The following PPEF1 variants were observed in gnomAD, a reference collection of about 807,000 sequenced individuals.
PPEF1 encodes protein phosphatase with EF-hand domain 1.
In PPEF1, 12 loss-of-function variants were observed where a neutral mutation model predicts 53.3. That is an observed-to-expected ratio of 0.23 (90% CI 0.14 to 0.36). The LOEUF is 0.36. Ranked by LOEUF, PPEF1 falls within the 10% of genes least tolerant of loss-of-function variation. The probability of loss-of-function intolerance (pLI) is 1.00; values close to 1 mark genes in which losing one functional copy is unlikely to be tolerated. For synonymous variants in PPEF1, 165 were observed against 176.7 expected (o/e 0.93, Z 0.52); for missense variants, 334 against 490.4 (o/e 0.68, Z 3.01).
At chrX:18,778,867 C>T (rs2046024523) in intron 6 of PPEF1, 143 bp from the exon 7 acceptor site, 3 of 596,976 alleles carry the variant, frequency 5.0e-6, no homozygotes, top group Non-Finnish European at 7.6e-6. Context: ...AAAACTGGCT[C>T]AAGCGAGAGA....
At chrX:18,818,251 A>G (rs965391471) in intron 13 of PPEF1, 106 bp downstream of exon 13, 2 of 444,103 alleles carry the variant, frequency 4.5e-6, no homozygotes, top group Admixed American at 9.1e-5. Flanking sequence ...CATTTTTACT[A>G]AGAAGGAAGA....
chrX:18,813,102 C>T (rs1005008597), intron 12 of PPEF1, among the ~76,000 whole-genome samples: 6 of 110,971 alleles, frequency 5.4e-5, no homozygotes, highest in South Asian at 3.8e-4. Context: ...ATTGATTGGC[C>T]GGGCACGGTG....
chrX:18,732,301 G>A (rs1219978278), intron 2 of PPEF1, among the ~76,000 whole-genome samples: 2 of 112,474 alleles, frequency 1.8e-5, no homozygotes, highest in Admixed American at 9.4e-5. Flanking sequence ...TGGCTATTAT[G>A]AATAATGCTG....
At chrX:18,741,659 C>A (rs1490698775) in intron 3 of PPEF1, among the ~76,000 whole-genome samples, 1 of 110,370 alleles carries the variant, frequency 9.1e-6, no homozygotes, top group African/African-American at 3.3e-5. Flanking sequence ...CTACCCAACC[C>A]CCACACAATC....
chrX:18,682,920 TCA>T, upstream of PPEF1, among the ~76,000 whole-genome samples: 1 of 111,629 alleles, frequency 9.0e-6, no homozygotes. Context: ...TTTAGTGGAC[TCA>T]CAGTTCCAGT....
At chrX:18,684,339 C>T (rs73456575) in intron 1 of PPEF1, among the ~76,000 whole-genome samples, 1 of 111,096 alleles carries the variant, frequency 9.0e-6, no homozygotes, top group Non-Finnish European at 1.9e-5. Flanking sequence ...AATTTGGGCC[C>T]GGTCTCCTTT....
upstream of PPEF1, among the ~76,000 whole-genome samples, chrX:18,704,942 A>G (rs2044165196): frequency 9.0e-6 from 1 of 111,550 alleles, no homozygotes; most frequent in Non-Finnish European, 1.9e-5. Flanking sequence ...ACAGGTCTAT[A>G]TGACATGGGA....
At position 18,747,316 on chromosome X, in the gene PPEF1, T is replaced by G. The variant is rs1310776219; in HGVS notation, c.236-2476T>G. Among the ~76,000 whole-genome samples the G allele has an allele frequency of 4.5e-5, 5 of 111,450 alleles. No homozygotes were observed. In the Admixed American group the frequency reaches 4.8e-4, roughly 11 times the overall value. The stretch of plus-strand genomic sequence containing the variant: ...GCAAGGGAGGAAGTGACTATGAAGT[T>G]GCCAGGCCTCTGAGGATTTGGAAGG... On this transcript the variant is annotated intron_variant, in intron 3 of 15. Transcript: ENST00000470157.
rs976415250 is a variant in PPEF1, at chrX:18,714,061, T to C, written c.46+6235T>C. 2.7e-5 allele frequency among the ~76,000 whole-genome samples: 3 copies of C among 111,305 alleles called. No homozygotes were observed. The East Asian group carries it at 8.4e-4, about 31-fold the overall frequency. ...CAGGTGATTAGATATGAAATTATCG[T>C]GTCAAGGGCTATAAATATTTTGAAA... On this transcript the variant is annotated intron_variant, in intron 1 of 15. Coordinates refer to ENST00000470157, the MANE Select transcript of PPEF1 (RefSeq NM_001377996.1).
At chrX:18,770,072 G>A (rs148569324) in intron 6 of PPEF1, among the ~76,000 whole-genome samples, 1,179 of 111,580 alleles carry the variant, frequency 0.011, 21 homozygotes, top group African/African-American at 0.036. Flanking sequence ...TAATCACCAT[G>A]TCATAGACGG....
Position 18,782,412 on chromosome X carries a change from G to GT in PPEF1, c.762+10_762+11insT. On this transcript the variant is annotated intron_variant, in intron 8 of 15. Coordinates refer to ENST00000470157, the MANE Select transcript of PPEF1 (RefSeq NM_001377996.1). ...TTTGCATAAATATAAGGTAAGACAT[G>GT]CTTTTTTTTTTTTTTTTAGTATTCA... 1.0e-6 allele frequency: 1 copy of GT among 984,159 alleles called. No homozygotes were observed. Among genetic ancestry groups the GT allele is most frequent in the Admixed American group, 3.5e-5 (1 of 28,930 alleles). The allele number at this position is 984,159 out of a possible 1,213,427, so 81.1% of individuals were successfully genotyped here.
intron 1 of PPEF1, among the ~76,000 whole-genome samples, chrX:18,729,328 T>C (rs2044782388): frequency 8.9e-6 from 1 of 112,062 alleles, no homozygotes; most frequent in South Asian, 3.7e-4. Flanking sequence ...CTTCTTATGT[T>C]AATTAGTTTA....
intron 6 of PPEF1, among the ~76,000 whole-genome samples, chrX:18,762,789 A>G (rs1401398273): frequency 9.0e-6 from 1 of 111,497 alleles, no homozygotes; most frequent in Non-Finnish European, 1.9e-5. Flanking sequence ...GGTGGGTTTT[A>G]GCTGGCTTCT....
At chrX:18,779,779 T>C (rs937929302) in intron 7 of PPEF1, among the ~76,000 whole-genome samples, 7 of 112,154 alleles carry the variant, frequency 6.2e-5, no homozygotes, top group Non-Finnish European at 1.1e-4. Flanking sequence ...CCTTCTTTTT[T>C]TCTTCTTCTT....
chrX:18,719,296 C>T (rs1165372872), intron 1 of PPEF1, among the ~76,000 whole-genome samples: 1 of 109,354 alleles, frequency 9.1e-6, no homozygotes, highest in Non-Finnish European at 1.9e-5. Context: ...AATGAAGCAT[C>T]ACATTTTCCT....
At chrX:18,817,993 C>A in intron 12 of PPEF1, 46 bp from the exon 13 acceptor site, 1 of 951,617 alleles carries the variant, frequency 1.1e-6, no homozygotes, top group African/African-American at 2.0e-5. Flanking sequence ...TGAAACACAA[C>A]AGGATGATTT....
At chrX:18,819,663 C>T (rs1316563267) in intron 13 of PPEF1, among the ~76,000 whole-genome samples, 2 of 111,544 alleles carry the variant, frequency 1.8e-5, no homozygotes, top group Non-Finnish European at 3.8e-5. Context: ...CATTGCACTC[C>T]AGCCTGGGTG....
Position 18,827,311 on chromosome X carries a change from A to C in PPEF1, c.1786A>C (p.Lys596Gln), listed in dbSNP as rs1396170899. The C allele has an allele frequency of 1.7e-6, 2 of 1,210,209 alleles. No individual in the cohort carries two copies. The highest frequency in any genetic ancestry group is 4.3e-5 in the Admixed American group (2 of 46,006). Residue 596 changes from lysine (K) to glutamine (Q), a missense_variant, in exon 16 of 16, where the codon AAA (lysine) becomes CAA (glutamine). By Grantham distance (53) the Lys-to-Gln change is moderately conservative (BLOSUM62 1). Coordinates refer to ENST00000470157, the MANE Select transcript of PPEF1 (RefSeq NM_001377996.1). ...CGTGGAAGAATTTCGTGCCATGTGGAAACTTTTTAGTTCTCACTACAATGT... is the reference window on the plus strand; with the variant it reads ...CGTGGAAGAATTTCGTGCCATGTGGCAACTTTTTAGTTCTCACTACAATGT... The part of the protein sequence containing the change: ...ISVEEFRAMW[K>Q]LFSSHYNVHI...
intron 3 of PPEF1, among the ~76,000 whole-genome samples, chrX:18,734,263 T>C (rs1252945965): frequency 9.6e-6 from 1 of 103,882 alleles, no homozygotes; most frequent in African/African-American, 3.5e-5. Flanking sequence ...GTACTCCTAA[T>C]GCTATCCCTC....
Sources: allele counts gnomAD v4.1 joint callset (sites outside exome capture counted in the v4.1 genomes callset), GRCh38; gene constraint gnomAD v4.1.1; transcripts MANE v1.5; gene names NCBI Gene and HGNC (gene_info 2026-07-23, HGNC 2026-07-21).